The following LEF1 variants were observed in gnomAD, a reference collection of about 807,000 sequenced individuals.
The protein encoded by LEF1 is lymphoid enhancer-binding factor 1.
Under a neutral mutation model 51.2 loss-of-function variants are expected in LEF1, and 14 were observed. That is an observed-to-expected ratio of 0.27 (90% CI 0.18 to 0.43). The LOEUF (loss-of-function observed/expected upper bound fraction) is 0.43, where lower values mean the gene tolerates loss of function less well. Among genes scored for constraint, LEF1 ranks in the 20% least tolerant of loss-of-function variants. LEF1 has a pLI of 1.00. For synonymous variants in LEF1, 185 were observed against 183.2 expected, an observed-to-expected ratio of 1.01 and a Z score of -0.08; for missense variants, 386 against 512.0, an observed-to-expected ratio of 0.75 and a Z score of 2.37.
At position 108,167,293 on chromosome 4, in the gene LEF1, C is replaced by T. The variant is rs922029429; in HGVS notation, c.213+262G>A. ...GCCCGCGAACCAACCGTTCAGCCACCGAACCCCCTAAACTGATCCATTTGG... is the reference window on the plus strand; with the variant it reads ...GCCCGCGAACCAACCGTTCAGCCACTGAACCCCCTAAACTGATCCATTTGG... On this transcript the variant is annotated intron_variant, in intron 1 of 11. Transcript: ENST00000265165. This position sits in a 1 kb window ranked among gnomAD's most constrained non-coding sequence, Gnocchi z 5.7. Among the ~76,000 whole-genome samples, 2 of 151,006 alleles carry T rather than the reference C, an allele frequency of 1.3e-5. No individual in the cohort carries two copies. The highest frequency in any genetic ancestry group is 3.0e-5 in the Non-Finnish European group (2 of 67,696).
chr4:108,121,871 T>A (rs1051204727), intron 3 of LEF1, among the ~76,000 whole-genome samples: 1 of 152,262 alleles, frequency 6.6e-6, no homozygotes, highest in Non-Finnish European at 1.5e-5. Flanking sequence ...TTTTGATATG[T>A]AAACTTTTTA....
chr4:108,104,670 A>C (rs1167880779), intron 3 of LEF1: 3 of 984,196 alleles, frequency 3.0e-6, no homozygotes, highest in Non-Finnish European at 3.6e-6. Flanking sequence ...CTATCGTATG[A>C]AGGACATACC....
chr4:108,166,894 C>T, intron 1 of LEF1: 11 of 808,776 alleles, frequency 1.4e-5, no homozygotes, highest in Non-Finnish European at 1.6e-5. Context: ...GCTCGGCGCA[C>T]CCACAGCTCC....
intron 3 of LEF1, among the ~76,000 whole-genome samples, chr4:108,151,242 G>A (rs1744342117): frequency 6.6e-6 from 1 of 152,052 alleles, no homozygotes. Context: ...ACATCTAACT[G>A]GTCACCTTTG....
intron 11 of LEF1, among the ~76,000 whole-genome samples, chr4:108,059,014 G>T (rs1737496202): frequency 6.6e-6 from 1 of 152,212 alleles, no homozygotes; most frequent in Admixed American, 6.5e-5. Context: ...AGATCCTGCA[G>T]CTTGGGGACC....
At chr4:108,129,216 A>C (rs1407044124) in intron 3 of LEF1, among the ~76,000 whole-genome samples, 1 of 152,218 alleles carries the variant, frequency 6.6e-6, no homozygotes, top group Non-Finnish European at 1.5e-5. Context: ...TTCTGAGTAT[A>C]TGGAGCTCTG....
At chr4:108,104,318 A>C (rs894078867) in intron 3 of LEF1, among the ~76,000 whole-genome samples, 1 of 151,800 alleles carries the variant, frequency 6.6e-6, no homozygotes, top group Non-Finnish European at 1.5e-5. Flanking sequence ...GGAATTAGAC[A>C]GTGGTGATAG....
chr4:108,048,009 GTT>G lies in LEF1; in HGVS notation c.*747_*748del, dbSNP rs1736729479. 6.6e-6 allele frequency: 1 copy of G among 152,596 alleles called. No homozygotes were observed. Among genetic ancestry groups the G allele is most frequent in the Non-Finnish European group, 1.5e-5 (1 of 68,036 alleles). 9.5% of individuals were successfully genotyped at this position (152,596 alleles called of 1,614,324 possible). On this transcript the variant is annotated 3_prime_UTR_variant, in exon 12 of 12. Transcript: ENST00000265165. Reference sequence around the variant, plus strand: ...TACAAGGGCGGAGAAGCCACTATGTGTTACAGGCAATTCACAGAGAAGCCACT... The same window carrying G: ...TACAAGGGCGGAGAAGCCACTATGTGACAGGCAATTCACAGAGAAGCCACT...
intron 8 of LEF1, among the ~76,000 whole-genome samples, chr4:108,076,902 C>G (rs574963666): frequency 1.3e-5 from 2 of 150,806 alleles, no homozygotes; most frequent in African/African-American, 2.4e-5. Context: ...TGGTAGGCAA[C>G]TATAATTCCA....
At chr4:108,164,391 T>A (rs62310710) in intron 2 of LEF1, among the ~76,000 whole-genome samples, 6,420 of 152,256 alleles carry the variant, frequency 0.042, 163 homozygotes, top group Non-Finnish European at 0.062. Context: ...GTTGACATAT[T>A]GTATGTAAAA....
At chr4:108,073,370 G>A (rs1457727909) in intron 8 of LEF1, among the ~76,000 whole-genome samples, 1 of 152,100 alleles carries the variant, frequency 6.6e-6, no homozygotes, top group African/African-American at 2.4e-5. Flanking sequence ...GGGTGATAGA[G>A]CAAGACTCTG....
At position 108,083,422 on chromosome 4, in the gene LEF1, G is replaced by A; in HGVS notation, c.572C>T (p.Pro191Leu). The A allele has an allele frequency of 6.2e-7, 1 of 1,613,300 alleles. No individual in the cohort carries two copies. The highest frequency in any genetic ancestry group is 1.6e-4 in the Middle Eastern group (1 of 6,062). Residue 191 changes from proline (P) to leucine (L), a missense_variant, in exon 5 of 12, where the codon CCT becomes CTT. By Grantham distance (98) the Pro-to-Leu change is moderately conservative. Coordinates refer to ENST00000265165, the MANE Select transcript of LEF1 (RefSeq NM_016269.5). ...KQGMSRHPPAPDIPTFYPLSP... is the reference protein window; with the variant it reads ...KQGMSRHPPALDIPTFYPLSP... ...CAAGGGATAAAAAGTAGGGATATCAGGAGCTGGAGGATGTCTGGACATGCC... is the reference window on the plus strand; with the variant it reads ...CAAGGGATAAAAAGTAGGGATATCAAGAGCTGGAGGATGTCTGGACATGCC...
intron 3 of LEF1, among the ~76,000 whole-genome samples, chr4:108,146,402 G>A (rs913720693): frequency 6.6e-6 from 1 of 152,182 alleles, no homozygotes; most frequent in Non-Finnish European, 1.5e-5. Context: ...GGTATAATAG[G>A]TATGCACTTG....
chr4:108,057,654 C>T (rs1197512502), intron 11 of LEF1, among the ~76,000 whole-genome samples: 1 of 151,966 alleles, frequency 6.6e-6, no homozygotes, highest in Non-Finnish European at 1.5e-5. Context: ...CCCAGGAGCC[C>T]CAAGTTCTCA....
chr4:108,060,833 T>C (rs933314790), intron 11 of LEF1, among the ~76,000 whole-genome samples: 5 of 152,156 alleles, frequency 3.3e-5, no homozygotes, highest in Admixed American at 6.6e-5. Context: ...ACACTCTATT[T>C]CCAGGTCACA....
At chr4:108,130,014 C>T (rs557331146) in intron 3 of LEF1, among the ~76,000 whole-genome samples, 172 of 152,246 alleles carry the variant, frequency 1.1e-3, no homozygotes, top group African/African-American at 3.9e-3. Flanking sequence ...GAATGACAAC[C>T]AAGGTATTCA....
chr4:108,100,298 A>C (rs1034563638), intron 3 of LEF1, among the ~76,000 whole-genome samples: 1 of 152,196 alleles, frequency 6.6e-6, no homozygotes, highest in Non-Finnish European at 1.5e-5. Context: ...ATTTATTTCA[A>C]AAAAGAGGAA....
chr4:108,150,930 G>C (rs972402550), intron 3 of LEF1, among the ~76,000 whole-genome samples: 16 of 152,142 alleles, frequency 1.1e-4, no homozygotes, highest in African/African-American at 3.9e-4. Flanking sequence ...TCACATGGAG[G>C]TTTCTGGTCA....
At chr4:108,124,029 C>T (rs1304123390) in intron 3 of LEF1, among the ~76,000 whole-genome samples, 1 of 152,034 alleles carries the variant, frequency 6.6e-6, no homozygotes, top group Non-Finnish European at 1.5e-5. Context: ...GCCCCTGTAG[C>T]CCCTGCTACT....
Sources: allele counts gnomAD v4.1 joint callset (sites outside exome capture counted in the v4.1 genomes callset), GRCh38; gene constraint gnomAD v4.1.1; non-coding constraint Gnocchi (gnomAD v3.1); transcripts MANE v1.5; gene names NCBI Gene and HGNC (gene_info 2026-07-23, HGNC 2026-07-21).